NCAM2: variants seen among roughly 807,000 people sequenced by gnomAD.
The protein encoded by NCAM2 is N-CAM-2.
NCAM2 carries 30 observed loss-of-function variants against 98.1 expected under a neutral mutation model. That is an observed-to-expected ratio of 0.31 (90% confidence interval 0.23 to 0.41). NCAM2 has a LOEUF of 0.41. NCAM2 is among the 10% of genes least tolerant of loss of function. The pLI, the probability that NCAM2 is intolerant of heterozygous loss-of-function variation, is 1.00. For synonymous variants in NCAM2, 368 were observed against 342.4 expected, an observed-to-expected ratio of 1.07 and a Z score of -0.83; for missense variants, 867 against 1,005.8, an observed-to-expected ratio of 0.86 and a Z score of 1.87.
At chr21:21,327,989 A>G (rs2074565245) in intron 6 of NCAM2, among the ~76,000 whole-genome samples, 1 of 152,242 alleles carries the variant, frequency 6.6e-6, no homozygotes, top group African/African-American at 2.4e-5. Context: ...TGAGAATACA[A>G]TATGGATTTT....
At chr21:21,505,097 T>TA (rs1296347164) in intron 15 of NCAM2, among the ~76,000 whole-genome samples, 2 of 152,086 alleles carry the variant, frequency 1.3e-5, no homozygotes, top group Non-Finnish European at 2.9e-5. Flanking sequence ...TATTTTTTCA[T>TA]AAAAATAACT....
At chr21:21,410,930 T>C in intron 10 of NCAM2, among the ~76,000 whole-genome samples, 2 of 144,194 alleles carry the variant, frequency 1.4e-5, no homozygotes, top group African/African-American at 2.6e-5. Flanking sequence ...TCACTTGAAC[T>C]TGGGAGGTGG....
At chr21:21,085,028 T>C (rs73332306) in intron 1 of NCAM2, among the ~76,000 whole-genome samples, 17,387 of 152,164 alleles carry the variant, frequency 0.11, 1,011 homozygotes, top group South Asian at 0.15. Flanking sequence ...TCCACAGTTA[T>C]CATCTTCAGT....
At chr21:21,329,457 C>G (rs1320987408) in intron 6 of NCAM2, among the ~76,000 whole-genome samples, 1 of 151,994 alleles carries the variant, frequency 6.6e-6, no homozygotes, top group Non-Finnish European at 1.5e-5. Flanking sequence ...TAAGTACACT[C>G]TATGATGTAA....
chr21:21,432,567 T>C (rs2077369854), intron 12 of NCAM2, among the ~76,000 whole-genome samples: 1 of 150,948 alleles, frequency 6.6e-6, no homozygotes, highest in Non-Finnish European at 1.5e-5. Context: ...GCTCACATAC[T>C]AGATATGATG....
intron 12 of NCAM2, among the ~76,000 whole-genome samples, chr21:21,450,979 A>G (rs937129638): frequency 6.6e-6 from 1 of 151,978 alleles, no homozygotes; most frequent in Non-Finnish European, 1.5e-5. Context: ...ATATAGGTCC[A>G]ATATATTCCA....
intron 6 of NCAM2, among the ~76,000 whole-genome samples, chr21:21,328,200 G>A (rs955340305): frequency 6.6e-6 from 1 of 152,002 alleles, no homozygotes; most frequent in African/African-American, 2.4e-5. Context: ...TAAAATCATA[G>A]CTCAACATAT....
chr21:21,111,740 A>G (rs2066458894), intron 1 of NCAM2, among the ~76,000 whole-genome samples: 1 of 152,128 alleles, frequency 6.6e-6, no homozygotes, highest in African/African-American at 2.4e-5. Context: ...TTAGAGGCAC[A>G]TTTATTTTTT....
At chr21:21,276,805 T>C (rs1253655590) in intron 1 of NCAM2, among the ~76,000 whole-genome samples, 28 of 152,206 alleles carry the variant, frequency 1.8e-4, no homozygotes, top group Admixed American at 1.8e-3. Context: ...TTTAAACATA[T>C]ATAGCAATGA....
intron 10 of NCAM2, among the ~76,000 whole-genome samples, chr21:21,414,721 G>A (rs1217867196): frequency 6.6e-6 from 1 of 151,658 alleles, no homozygotes; most frequent in African/African-American, 2.4e-5. Context: ...CGCCTGCCTC[G>A]GCCTCCCAAA....
At chr21:21,496,849 GCAT>G (rs1346718583) in intron 15 of NCAM2, among the ~76,000 whole-genome samples, 1 of 152,054 alleles carries the variant, frequency 6.6e-6, no homozygotes, top group African/African-American at 2.4e-5. Context: ...AGTTATCCCA[GCAT>G]CATATACTGA....
intron 1 of NCAM2, among the ~76,000 whole-genome samples, chr21:21,213,603 C>T (rs1325730272): frequency 6.6e-6 from 1 of 152,038 alleles, no homozygotes; most frequent in Non-Finnish European, 1.5e-5. Flanking sequence ...CCTTTTACAC[C>T]TAAAAGGAAT....
intron 1 of NCAM2, among the ~76,000 whole-genome samples, chr21:21,258,517 G>A (rs146371362): frequency 2.4e-4 from 37 of 152,174 alleles, no homozygotes; most frequent in East Asian, 1.9e-3. Context: ...TCTCTGTTTC[G>A]TTCACCCCTG....
At chr21:21,034,862 T>C (rs1478074005) in intron 1 of NCAM2, among the ~76,000 whole-genome samples, 1 of 152,012 alleles carries the variant, frequency 6.6e-6, no homozygotes, top group Non-Finnish European at 1.5e-5. Flanking sequence ...AGAAGTATAG[T>C]AGAAACAGTG....
chr21:21,222,488 T>G (rs940486731), intron 1 of NCAM2, among the ~76,000 whole-genome samples: 5 of 152,186 alleles, frequency 3.3e-5, no homozygotes, highest in Non-Finnish European at 7.3e-5. Context: ...TAACAGGAGT[T>G]AGGAATAAGT....
chr21:21,200,305 C>T (rs892121250), intron 1 of NCAM2, among the ~76,000 whole-genome samples: 1 of 151,490 alleles, frequency 6.6e-6, no homozygotes, highest in Non-Finnish European at 1.5e-5. Context: ...ATCCTTCATA[C>T]CAGGAAACGC....
At chr21:21,108,426 C>G (rs964616556) in intron 1 of NCAM2, among the ~76,000 whole-genome samples, 1 of 152,038 alleles carries the variant, frequency 6.6e-6, no homozygotes, top group Non-Finnish European at 1.5e-5. Context: ...TGTACTGAAG[C>G]TGTCACACTA....
chr21:21,202,987 GTT>G (rs1208735632), intron 1 of NCAM2, among the ~76,000 whole-genome samples: 2 of 152,128 alleles, frequency 1.3e-5, no homozygotes, highest in Non-Finnish European at 2.9e-5. Flanking sequence ...AATAACAGTT[GTT>G]TGTCTCCAAT....
chr21:21,301,052 T>G (rs13051374), intron 5 of NCAM2, among the ~76,000 whole-genome samples: 2 of 151,818 alleles, frequency 1.3e-5, no homozygotes, highest in Non-Finnish European at 2.9e-5. Flanking sequence ...TATTTGTTCG[T>G]GTCCTTTGCC....
Sources: gnomAD v4.1 joint callset for allele counts (sites outside exome capture counted in the v4.1 genomes callset) on GRCh38, gnomAD v4.1.1 for gene constraint, MANE v1.5 for transcripts, NCBI Gene and HGNC (gene_info 2026-07-23, HGNC 2026-07-21) for gene names.